CCNYL1: variants seen among roughly 807,000 people sequenced by gnomAD.
The protein encoded by CCNYL1 is cyclin Y like 1, also known as cyclin-Y-like protein 1.
A neutral mutation model predicts 44.2 loss-of-function variants in CCNYL1; 16 were observed. The ratio of observed to expected loss-of-function variants is 0.36; its 90% CI spans 0.25 to 0.55. The LOEUF (loss-of-function observed/expected upper bound fraction) is 0.55. Among genes scored for constraint, CCNYL1 ranks in the 20% least tolerant of loss-of-function variants. The probability of loss-of-function intolerance (pLI) is 0.85; values close to 1 mark genes in which losing one functional copy is unlikely to be tolerated. For synonymous variants in CCNYL1, 159 were observed against 163.2 expected (o/e 0.97, Z 0.20); for missense variants, 348 against 451.8 (o/e 0.77, Z 2.08).
chr2:207,744,074 CAG>C (rs1250530630), intron 7 of CCNYL1, among the ~76,000 whole-genome samples: 2 of 152,090 alleles, frequency 1.3e-5, no homozygotes, highest in East Asian at 3.9e-4. Context: ...TAAAGGGATA[CAG>C]AGTGACAGGA....
chr2:207,726,488 G>A (rs1462677146), intron 2 of CCNYL1, among the ~76,000 whole-genome samples: 1 of 152,134 alleles, frequency 6.6e-6, no homozygotes, highest in African/African-American at 2.4e-5. Context: ...TAAGCTACCT[G>A]TAAATGTAGA....
chr2:207,740,533 T>A (rs2091800730), intron 5 of CCNYL1, 122 bp from the exon 6 acceptor site: 7 of 693,404 alleles, frequency 1.0e-5, no homozygotes, highest in Non-Finnish European at 1.5e-5. Context: ...TACAACTCTT[T>A]GCTTTGGTGA....
intron 4 of CCNYL1, 52 bp from the exon 5 acceptor site, chr2:207,737,359 C>T (rs2091773638): frequency 7.1e-7 from 1 of 1,405,058 alleles, no homozygotes; most frequent in East Asian, 2.3e-5. Flanking sequence ...GTCTTCAGGC[C>T]TAACAAATGT....
intron 3 of CCNYL1, among the ~76,000 whole-genome samples, chr2:207,731,545 TTA>T (rs1425205097): frequency 6.6e-6 from 1 of 152,160 alleles, no homozygotes; most frequent in African/African-American, 2.4e-5. Context: ...TTTTATATTA[TTA>T]TGTTTGTCAA....
At chr2:207,738,217 TTTA>T (rs919015784) in intron 5 of CCNYL1, among the ~76,000 whole-genome samples, 1 of 134,680 alleles carries the variant, frequency 7.4e-6, no homozygotes, top group Admixed American at 7.9e-5. Context: ...TATTTTTTAG[TTTA>T]TTTTTATTTG....
At chr2:207,722,883 C>T (rs1014479715) in intron 1 of CCNYL1, among the ~76,000 whole-genome samples, 1 of 151,432 alleles carries the variant, frequency 6.6e-6, no homozygotes, top group South Asian at 2.1e-4. Flanking sequence ...CACTTGAACC[C>T]GGGAGGTGGA....
intron 5 of CCNYL1, among the ~76,000 whole-genome samples, chr2:207,738,333 G>T (rs776430350): frequency 3.3e-5 from 5 of 152,118 alleles, no homozygotes; most frequent in Non-Finnish European, 7.4e-5. Flanking sequence ...CGATTCTCCT[G>T]CCTCGGGCTC....
intron 7 of CCNYL1, among the ~76,000 whole-genome samples, chr2:207,744,323 A>C (rs562531226): frequency 6.6e-6 from 1 of 151,676 alleles, no homozygotes; most frequent in South Asian, 2.1e-4. Context: ...GAGGTCACAT[A>C]GGGCCTTTTG....
chr2:207,750,732 A>G, intron 8 of CCNYL1: 1 of 444,190 alleles, frequency 2.3e-6, no homozygotes, highest in Non-Finnish European at 4.0e-6. Context: ...AGTGCATCGG[A>G]GGCCGTAACC....
rs187618300 is a variant in CCNYL1 at position 207,730,480 on chromosome 2, G to A, written c.331-3467G>A. Among the ~76,000 whole-genome samples the A allele has an allele frequency of 3.0e-4, 45 of 152,262 alleles. 1 individual carries two copies. In the East Asian group the frequency reaches 8.1e-3, roughly 27 times the overall value. On this transcript the variant is annotated intron_variant, in intron 3 of 9. Coordinates refer to ENST00000295414, the MANE Select transcript of CCNYL1 (RefSeq NM_001330218.2). ...TTATTAAAAGTCATCTGCTGTGGCC[G>A]GGTGCGGTGGCTCACGCCTGTAATC...
chr2:207,724,997 T>C, intron 2 of CCNYL1, 123 bp downstream of exon 2: 1 of 688,012 alleles, frequency 1.5e-6, no homozygotes, highest in Non-Finnish European at 2.4e-6. Flanking sequence ...TTTTCATATG[T>C]TCACTGATTT....
At position 207,755,505 on chromosome 2, in the gene CCNYL1, C is replaced by T. The variant is rs1226807722; in HGVS notation, c.*1807C>T. On this transcript the variant is annotated 3_prime_UTR_variant, in exon 10 of 10. Coordinates refer to ENST00000295414, the MANE Select transcript of CCNYL1 (RefSeq NM_001330218.2). ...GAATACCTTGTATCTCCATAAAATG[C>T]CCTCTTTTTAAAAGTAGTTACCCGC... The T allele has an allele frequency of 6.6e-6, 1 of 152,162 alleles. No homozygotes were observed. The highest frequency in any genetic ancestry group is 1.5e-5 in the Non-Finnish European group (1 of 68,026). 9.4% of individuals were successfully genotyped at this position (152,162 alleles called of 1,614,324 possible).
At chr2:207,734,093 T>C (rs534765950) in intron 4 of CCNYL1, 46 bp downstream of exon 4, 4 of 1,200,824 alleles carry the variant, frequency 3.3e-6, no homozygotes, top group South Asian at 2.5e-5. Context: ...GACCCCCTTA[T>C]GCTAAAAGCA....
chr2:207,722,355 G>A (rs1296375802), intron 1 of CCNYL1, among the ~76,000 whole-genome samples: 1 of 151,862 alleles, frequency 6.6e-6, no homozygotes, highest in African/African-American at 2.4e-5. Context: ...TTACAGGCAT[G>A]AGCCACCATG....
chr2:207,717,260 G>T (rs1237283574), intron 1 of CCNYL1, among the ~76,000 whole-genome samples: 1 of 152,098 alleles, frequency 6.6e-6, no homozygotes, highest in Non-Finnish European at 1.5e-5. Flanking sequence ...AAGATTTGAT[G>T]CTTACCACTT....
At chr2:207,745,307 A>C (rs2091846850) in intron 7 of CCNYL1, among the ~76,000 whole-genome samples, 2 of 152,196 alleles carry the variant, frequency 1.3e-5, no homozygotes. Flanking sequence ...GAGGGGATCA[A>C]CTGCACTGAT....
chr2:207,720,971 C>A (rs2091636114), intron 1 of CCNYL1, among the ~76,000 whole-genome samples: 1 of 144,204 alleles, frequency 6.9e-6, no homozygotes, highest in Admixed American at 6.7e-5. Flanking sequence ...GAGACTGGAG[C>A]TTGGCTGGTA....
Position 207,750,725 on chromosome 2 carries a change from G to C in CCNYL1, c.807-232G>C, listed in dbSNP as rs913574632. 11 of 428,350 alleles carry C rather than the reference G, an allele frequency of 2.6e-5. No individual in the cohort carries two copies. In the East Asian group the frequency reaches 4.2e-4, roughly 16 times the overall value. The allele number at this position is 428,350 out of a possible 1,614,324, so 26.5% of individuals were successfully genotyped here. ...TGAGGCCCGAGTCAGCAGCACAAGT[G>C]CATCGGAGGCCGTAACCTTCAACCT... On this transcript the variant is annotated intron_variant, in intron 8 of 9. Transcript: ENST00000295414.
At chr2:207,741,624 A>G (rs2091810634) in intron 6 of CCNYL1, among the ~76,000 whole-genome samples, 1 of 152,172 alleles carries the variant, frequency 6.6e-6, no homozygotes, top group African/African-American at 2.4e-5. Flanking sequence ...AGGTGGGCAG[A>G]TCATGAGGTC....
Sources: allele counts gnomAD v4.1 joint callset (sites outside exome capture counted in the v4.1 genomes callset), GRCh38; gene constraint gnomAD v4.1.1; transcripts MANE v1.5; gene names NCBI Gene and HGNC (gene_info 2026-07-23, HGNC 2026-07-21).